THSD4: variants seen among roughly 807,000 people sequenced by gnomAD.
The protein encoded by THSD4 is thrombospondin type-1 domain-containing protein 4.
In THSD4, 69 loss-of-function variants were observed where a neutral mutation model predicts 119.0. The observed-to-expected ratio is 0.58, with a 90% confidence interval of 0.48 to 0.71. The LOEUF is 0.71. THSD4 is among the 30% of genes least tolerant of loss of function. THSD4 has a pLI of 0.00. For missense variants in THSD4, 1,393 were observed against 1,391.1 expected (o/e 1.00, Z -0.02); for synonymous variants, 524 against 540.4 (o/e 0.97, Z 0.42).
chr15:71,339,249 C>CTCTG (rs1345807046), intron 6 of THSD4, among the ~76,000 whole-genome samples: 1 of 151,980 alleles, frequency 6.6e-6, no homozygotes, highest in African/African-American at 2.4e-5. Flanking sequence ...TATTTTTTGT[C>CTCTG]TCTGTCTACC....
Position 71,215,215 on chromosome 15 carries a change from G to C in THSD4, c.280G>C (p.Gly94Arg). The C allele has an allele frequency of 7.3e-7, 1 of 1,377,854 alleles. No individual in the cohort carries two copies. The highest frequency in any genetic ancestry group is 9.3e-7 in the Non-Finnish European group (1 of 1,070,962). 85.4% of individuals were successfully genotyped at this position (1,377,854 alleles called of 1,614,324 possible). A position where few individuals can be genotyped will look rare whatever the true frequency, so the allele number is the denominator to read the frequency against. Residue 94 changes from glycine (G) to arginine (R), a missense_variant, in exon 4 of 18, where the codon GGC becomes CGC. Gly to Arg is a moderately radical substitution (Grantham distance 125, BLOSUM62 -2). Coordinates refer to ENST00000261862, the MANE Select transcript of THSD4 (RefSeq NM_024817.3). ...CCGCCTGCGCGGCGGCCAGCGGCCT[G>C]GCGCCCCTGCGCGCGCCTTCGCGGA... ...SYRLRGGQRP[G>R]APARAFADHV... is the part of the protein sequence containing the mutation.
At chr15:71,332,067 G>A (rs774098956) in intron 6 of THSD4, among the ~76,000 whole-genome samples, 1 of 152,164 alleles carries the variant, frequency 6.6e-6, no homozygotes, top group Non-Finnish European at 1.5e-5. Context: ...AGATTGCCAA[G>A]GAGGGTCCAC....
intron 9 of THSD4, chr15:71,730,879 T>C (rs1415817112): frequency 2.0e-6 from 1 of 488,480 alleles, no homozygotes; most frequent in Non-Finnish European, 3.7e-6. Context: ...TAGAAAATCT[T>C]GACTCTTAGC....
At chr15:71,759,817 AG>A (rs1294104850) in intron 15 of THSD4, among the ~76,000 whole-genome samples, 1 of 152,156 alleles carries the variant, frequency 6.6e-6, no homozygotes, top group African/African-American at 2.4e-5. Context: ...TAAAGAACCA[AG>A]GGTGGTATGA....
At chr15:71,236,906 A>G (rs1007819923) in intron 4 of THSD4, among the ~76,000 whole-genome samples, 1 of 152,148 alleles carries the variant, frequency 6.6e-6, no homozygotes, top group African/African-American at 2.4e-5. Context: ...ACCAGGAAAA[A>G]CTTCATTGAC....
At chr15:71,605,069 G>A (rs1159276917) in intron 7 of THSD4, among the ~76,000 whole-genome samples, 1 of 151,856 alleles carries the variant, frequency 6.6e-6, no homozygotes, top group Non-Finnish European at 1.5e-5. Context: ...AACATTCCAG[G>A]TAGAGGAAAT....
intron 4 of THSD4, among the ~76,000 whole-genome samples, chr15:71,230,423 T>C (rs994627902): frequency 6.6e-6 from 1 of 152,214 alleles, no homozygotes; most frequent in Non-Finnish European, 1.5e-5. Flanking sequence ...CATTGGAGGC[T>C]CTGTGTCTCT....
chr15:71,107,591 T>C (rs1567127398), intron 1 of THSD4, among the ~76,000 whole-genome samples: 1 of 152,244 alleles, frequency 6.6e-6, no homozygotes, highest in East Asian at 1.9e-4. Context: ...CAGGACTGGG[T>C]CAGGAGAAGT....
At chr15:71,688,691 T>TTG (rs1273871234) in intron 8 of THSD4, among the ~76,000 whole-genome samples, 1 of 143,588 alleles carries the variant, frequency 7.0e-6, no homozygotes, top group African/African-American at 2.6e-5. Flanking sequence ...TTGAGGTTTT[T>TTG]TTTTGTTTTG....
At chr15:71,776,617 A>C (rs1241167100) in intron 17 of THSD4, among the ~76,000 whole-genome samples, 3 of 152,202 alleles carry the variant, frequency 2.0e-5, no homozygotes, top group Non-Finnish European at 2.9e-5. Context: ...GCAAAGTTGG[A>C]TATACCTTAT....
At chr15:71,734,805 T>TA (rs1257319812) in intron 10 of THSD4, among the ~76,000 whole-genome samples, 2,002 of 96,540 alleles carry the variant, frequency 0.021, 48 homozygotes, top group African/African-American at 0.061. Context: ...AAAACTGCTC[T>TA]AAAAAAAAAA....
intron 7 of THSD4, among the ~76,000 whole-genome samples, chr15:71,527,114 C>CT (rs1410528528): frequency 1.3e-5 from 2 of 152,044 alleles, no homozygotes; most frequent in African/African-American, 4.8e-5. Flanking sequence ...GGGGTTCAGC[C>CT]TTTTTTGCCC....
intron 3 of THSD4, among the ~76,000 whole-genome samples, chr15:71,155,415 C>T (rs577469870): frequency 5.3e-5 from 8 of 152,300 alleles, no homozygotes; most frequent in South Asian, 2.1e-4. Context: ...CACCAGGCCC[C>T]GCCTCCAATA....
chr15:71,598,365 G>A (rs1310261514), intron 7 of THSD4, among the ~76,000 whole-genome samples: 11 of 152,284 alleles, frequency 7.2e-5, no homozygotes, highest in African/African-American at 2.2e-4. Flanking sequence ...CTGAGGCCAT[G>A]AGTTTGACCT....
At chr15:71,352,809 T>C (rs1305477536) in intron 6 of THSD4, among the ~76,000 whole-genome samples, 1 of 152,150 alleles carries the variant, frequency 6.6e-6, no homozygotes, top group Non-Finnish European at 1.5e-5. Flanking sequence ...AGCCAGAGTA[T>C]TGGGAGGGGA....
chr15:71,662,019 C>G (rs2051319581), intron 8 of THSD4, among the ~76,000 whole-genome samples: 1 of 152,172 alleles, frequency 6.6e-6, no homozygotes, highest in East Asian at 1.9e-4. Flanking sequence ...TCAGACCAGG[C>G]AGTCTAGCTC....
intron 5 of THSD4, among the ~76,000 whole-genome samples, chr15:71,245,914 T>C (rs540364294): frequency 6.6e-6 from 1 of 152,216 alleles, no homozygotes; most frequent in Admixed American, 6.5e-5. Flanking sequence ...AGTTCAGCTA[T>C]GTTGCTTTTT....
intron 14 of THSD4, 52 bp downstream of exon 14, chr15:71,748,646 C>A (rs1190036300): frequency 6.3e-7 from 1 of 1,594,038 alleles, no homozygotes; most frequent in Admixed American, 1.7e-5. Flanking sequence ...CCAGGTGCCT[C>A]CAAAACCACA....
At chr15:71,377,149 G>A (rs186711209) in intron 6 of THSD4, among the ~76,000 whole-genome samples, 2 of 152,178 alleles carry the variant, frequency 1.3e-5, no homozygotes, top group Non-Finnish European at 2.9e-5. Context: ...TTTCATGAAG[G>A]GGGTAAAGGA....
Sources: gnomAD v4.1 joint callset for allele counts (sites outside exome capture counted in the v4.1 genomes callset) on GRCh38, gnomAD v4.1.1 for gene constraint, MANE v1.5 for transcripts, NCBI Gene and HGNC (gene_info 2026-07-23, HGNC 2026-07-21) for gene names.